SYCN: variants seen among roughly 807,000 people sequenced by gnomAD.
The protein encoded by SYCN is insulin synthesis associated 1.
A neutral mutation model predicts 12.6 loss-of-function variants in SYCN; 16 were observed. That is an observed-to-expected ratio of 1.27 (90% confidence interval 0.86 to 1.92). The LOEUF is 1.92. Among genes scored for constraint, SYCN ranks in the 30% most tolerant of loss-of-function variants. SYCN has a pLI of 0.00. For missense variants in SYCN, 226 were observed against 181.8 expected (o/e 1.24, Z -1.40); for synonymous variants, 97 against 88.4 (o/e 1.10, Z -0.55).
Position 39,204,194 on chromosome 19 carries a change from C to A in SYCN, c.61G>T (p.Gly21Cys), listed in dbSNP as rs1298481495. Residue 21 changes from glycine (G) to cysteine (C), a missense_variant, in exon 1 of 2, where the codon GGC (glycine) becomes TGC (cysteine). Physicochemically the swap from Gly to Cys is radical, Grantham distance 159. Transcript: ENST00000318438. ...LALASVPCAQ[G>C]ACPASADLKH... ...AGGTCGGCGGAGGCGGGGCAGGCGC[C>A]CTGGGCGCAAGGCACGGAGGCAAGG... The A allele has an allele frequency of 1.2e-6, 2 of 1,609,840 alleles. No individual in the cohort carries two copies. The highest frequency in any genetic ancestry group is 2.7e-5 in the African/African-American group (2 of 74,884).
At chr19:39,203,275 G>A (rs1370040869) in intron 1 of SYCN, among the ~76,000 whole-genome samples, 2 of 152,048 alleles carry the variant, frequency 1.3e-5, no homozygotes, top group Non-Finnish European at 2.9e-5. Context: ...TGGGTCTTGG[G>A]GGTGGGCTGT....
intron 1 of SYCN, among the ~76,000 whole-genome samples, 190 bp downstream of exon 1, chr19:39,203,670 G>A (rs1382583831): frequency 6.6e-6 from 1 of 151,894 alleles, no homozygotes; most frequent in Non-Finnish European, 1.5e-5. Context: ...GGAGAAGGAG[G>A]ACCTGGTTTG....
Position 39,203,877 on chromosome 19 carries a change from G to A in SYCN, c.378C>T (p.Ile126=). 7 of 1,600,784 alleles carry A rather than the reference G, an allele frequency of 4.4e-6. No homozygotes were observed. The highest frequency in any genetic ancestry group is 6.0e-6 in the Non-Finnish European group (7 of 1,171,612). ...CCGGGCACCTGCAGTAGAGCGCGGA[G>A]ATAGCGTTGGACCAGTCTCCTAAGA... ...RGILGDWSNA[I]SALYCRCS is the part of the protein sequence containing the mutation. The change falls in exon 1 of 2, where the codon ATC becomes ATT. Residue 126 remains isoleucine, a synonymous_variant. Transcript: ENST00000318438.
At chr19:39,203,794 G>A (rs1255634616) in intron 1 of SYCN, 66 bp downstream of exon 1, 4 of 1,504,254 alleles carry the variant, frequency 2.7e-6, no homozygotes, top group Admixed American at 2.2e-5. Context: ...GGTGGTGGGT[G>A]TGGGGGCTTA....
Position 39,202,869 on chromosome 19 carries a change from G to A in SYCN, c.*118C>T. On this transcript the variant is annotated 3_prime_UTR_variant, in exon 2 of 2. Transcript: ENST00000318438. ...AGGCTGTATTGCAGGGGAGGTGGGA[G>A]GGGGCAGGCAGAACGCTCCTCCTCC... is the stretch of plus-strand genomic sequence containing the variant. 1 of 1,058,912 alleles carries A rather than the reference G, an allele frequency of 9.4e-7. No individual in the cohort carries two copies. The highest frequency in any genetic ancestry group is 1.4e-6 in the Non-Finnish European group (1 of 718,412). 65.6% of individuals were successfully genotyped at this position (1,058,912 alleles called of 1,614,324 possible). A position where few individuals can be genotyped will look rare whatever the true frequency, so the allele number is the denominator to read the frequency against.
chr19:39,204,140 CG>C lies in SYCN; in HGVS notation c.114del (p.Cys38TrpfsTer82), dbSNP rs757630087. ...DLKHSDGTRTCAKLYDKSDPY... is the reference protein window; with the variant it reads ...DLKHSDGTRTXAKLYDKSDPY... ...GGGTCGCTCTTGTCATAGAGCTTGG[CG>C]CAAGTGCGCGTCCCGTCCGAGTGCT... On this transcript the variant is annotated frameshift_variant, in exon 1 of 2. Transcript: ENST00000318438. LOFTEE classifies it high-confidence loss of function. The C allele has an allele frequency of 9.9e-6, 16 of 1,612,686 alleles. No individual in the cohort carries two copies. The highest frequency in any genetic ancestry group is 8.5e-7 in the Non-Finnish European group (1 of 1,179,722).
At position 39,204,048 on chromosome 19, in the gene SYCN, CA is replaced by C. The variant is rs773623785; in HGVS notation, c.206del (p.Leu69ArgfsTer51). On this transcript the variant is annotated frameshift_variant, in exon 1 of 2. Transcript: ENST00000318438. LOFTEE classifies it high-confidence loss of function. ...SLESGADLPY[L>X]PSNWANTASS... is the part of the protein sequence containing the mutation. ...AGGCGGTGTTGGCCCAGTTGGAGGG[CA>C]GGTAGGGCAGGTCTGCGCCCGACTC... 2.4e-5 allele frequency: 38 copies of C among 1,612,580 alleles called. No individual in the cohort carries two copies. The highest frequency in any genetic ancestry group is 3.1e-5 in the Non-Finnish European group (36 of 1,179,370).
Position 39,204,114 on chromosome 19 carries a change from G to A in SYCN, c.141C>T (p.Pro47=), listed in dbSNP as rs746165928. 3.1e-6 allele frequency: 5 copies of A among 1,613,028 alleles called. No individual in the cohort carries two copies. In the Admixed American group the frequency reaches 5.0e-5, roughly 16 times the overall value. ...CGCCCCCGCAGCAGTTCTCATAGTA[G>A]GGGTCGCTCTTGTCATAGAGCTTGG... The part of the protein sequence containing the change: ...TCAKLYDKSD[P]YYENCCGGAE... Residue 47 remains proline, a synonymous_variant, in exon 1 of 2, where the codon CCC becomes CCT. Coordinates refer to ENST00000318438, the MANE Select transcript of SYCN (RefSeq NM_001080468.4).
At position 39,204,220 on chromosome 19, in the gene SYCN, G is replaced by T; in HGVS notation, c.35C>A (p.Ala12Asp). The change falls in exon 1 of 2, where the codon GCC becomes GAC. Residue 12 changes from alanine (A) to aspartate (D), a missense_variant. Coordinates refer to ENST00000318438, the MANE Select transcript of SYCN (RefSeq NM_001080468.4). ...CTGGGCGCAAGGCACGGAGGCAAGG[G>T]CCAGGGCCAGCAGCAGCGGGCGCAG... ...SPLRPLLLAL[A>D]LASVPCAQGA... 6.3e-7 allele frequency: 1 copy of T among 1,598,970 alleles called. No individual in the cohort carries two copies.
At chr19:39,203,022 C>T (rs1055646427) in intron 1 of SYCN, 26 bp from the exon 2 acceptor site, 2 of 1,561,678 alleles carry the variant, frequency 1.3e-6, no homozygotes, top group African/African-American at 2.7e-5. Flanking sequence ...GAATTCCTTC[C>T]AGGGGCTCTC....
At chr19:39,203,830 G>T in intron 1 of SYCN, 30 bp downstream of exon 1, 2 of 1,554,538 alleles carry the variant, frequency 1.3e-6, no homozygotes, top group Non-Finnish European at 1.7e-6. Context: ...TGGGCCTGGG[G>T]TGGGCTCGGA....
rs766910589 is a variant in SYCN at position 39,204,246 on chromosome 19, C to G, written c.9G>C (p.Pro3=). Residue 3 remains proline, a synonymous_variant, in exon 1 of 2, where the codon CCG becomes CCC. Coordinates refer to ENST00000318438, the MANE Select transcript of SYCN (RefSeq NM_001080468.4). MS[P]LRPLLLALAL... is the part of the protein sequence containing the mutation. Reference sequence around the variant, plus strand: ...CCAGGGCCAGCAGCAGCGGGCGCAGCGGGGACATGGTGGCAGTGCCCTGCC... The same window carrying G: ...CCAGGGCCAGCAGCAGCGGGCGCAGGGGGGACATGGTGGCAGTGCCCTGCC... 1 of 1,565,926 alleles carries G rather than the reference C, an allele frequency of 6.4e-7. No individual in the cohort carries two copies. The highest frequency in any genetic ancestry group is 8.6e-7 in the Non-Finnish European group (1 of 1,161,940).
Position 39,203,875 on chromosome 19 carries a change from G to T in SYCN, c.380C>A (p.Ser127Tyr). The change falls in exon 1 of 2, where the codon TCC becomes TAC. Residue 127 changes from serine (S) to tyrosine (Y), a missense_variant. Coordinates refer to ENST00000318438, the MANE Select transcript of SYCN (RefSeq NM_001080468.4). Reference protein sequence around the residue: ...GILGDWSNAISALYCRCS With the variant: ...GILGDWSNAIYALYCRCS Reference sequence around the variant, plus strand: ...GGCCGGGCACCTGCAGTAGAGCGCGGAGATAGCGTTGGACCAGTCTCCTAA... The same window carrying T: ...GGCCGGGCACCTGCAGTAGAGCGCGTAGATAGCGTTGGACCAGTCTCCTAA... 6.3e-7 allele frequency: 1 copy of T among 1,599,944 alleles called. No homozygotes were observed. Among genetic ancestry groups the T allele is most frequent in the South Asian group, 1.1e-5 (1 of 89,296 alleles).
In SYCN at chr19:39,204,174, G is replaced by C; in HGVS notation, c.81C>G (p.Ala27=). 2 of 1,611,816 alleles carry C rather than the reference G, an allele frequency of 1.2e-6. No homozygotes were observed. The highest frequency in any genetic ancestry group is 1.7e-6 in the Non-Finnish European group (2 of 1,179,548). ...GCGTCCCGTCCGAGTGCTTGAGGTC[G>C]GCGGAGGCGGGGCAGGCGCCCTGGG... ...PCAQGACPAS[A]DLKHSDGTRT... Residue 27 remains alanine, a synonymous_variant, in exon 1 of 2, where the codon GCC becomes GCG. Coordinates refer to ENST00000318438, the MANE Select transcript of SYCN (RefSeq NM_001080468.4).
chr19:39,204,070 G>C lies in SYCN; in HGVS notation c.185C>G (p.Ser62Trp), dbSNP rs760388184. 6.2e-7 allele frequency: 1 copy of C among 1,612,922 alleles called. No individual in the cohort carries two copies. Among genetic ancestry groups the C allele is most frequent in the Non-Finnish European group, 8.5e-7 (1 of 1,179,530 alleles). The change falls in exon 1 of 2, where the codon TCG becomes TGG. Residue 62 changes from serine (S) to tryptophan (W), a missense_variant. Physicochemically the swap from Ser to Trp is radical, Grantham distance 177. Transcript: ENST00000318438. ...GGGCAGGTAGGGCAGGTCTGCGCCC[G>C]ACTCCAGCGACAGCTCGGCGCCCCC... ...CCGGAELSLESGADLPYLPSN... is the reference protein window; with the variant it reads ...CCGGAELSLEWGADLPYLPSN...
Position 39,202,845 on chromosome 19 carries a change from G to A in SYCN, c.*142C>T, listed in dbSNP as rs1240103941. The A allele has an allele frequency of 9.9e-6, 8 of 810,136 alleles. No individual in the cohort carries two copies. The East Asian group carries it at 1.6e-4, about 16-fold the overall frequency. The allele number at this position is 810,136 out of a possible 1,614,324, so 50.2% of individuals were successfully genotyped here. On this transcript the variant is annotated 3_prime_UTR_variant, in exon 2 of 2. Coordinates refer to ENST00000318438, the MANE Select transcript of SYCN (RefSeq NM_001080468.4). Reference sequence around the variant, plus strand: ...TGACAGACGGGGACAACTGCACAAAGGCTGTATTGCAGGGGAGGTGGGAGG... The same window carrying A: ...TGACAGACGGGGACAACTGCACAAAAGCTGTATTGCAGGGGAGGTGGGAGG...
chr19:39,204,126 G>A lies in SYCN; in HGVS notation c.129C>T (p.Asp43=). The part of the protein sequence containing the change: ...DGTRTCAKLY[D]KSDPYYENCC... ...AGTTCTCATAGTAGGGGTCGCTCTT[G>A]TCATAGAGCTTGGCGCAAGTGCGCG... The change falls in exon 1 of 2, where the codon GAC becomes GAT. Residue 43 remains aspartate, a synonymous_variant. Transcript: ENST00000318438. 6.2e-7 allele frequency: 1 copy of A among 1,613,004 alleles called. No individual in the cohort carries two copies. Among genetic ancestry groups the A allele is most frequent in the Non-Finnish European group, 8.5e-7 (1 of 1,179,724 alleles).
At chr19:39,203,249 C>T (rs886665709) in intron 1 of SYCN, among the ~76,000 whole-genome samples, 1 of 150,972 alleles carries the variant, frequency 6.6e-6, no homozygotes, top group African/African-American at 2.4e-5. Flanking sequence ...AAGGTGGCCT[C>T]AGGGACCTCC....
chr19:39,202,898 G>C lies in SYCN; in HGVS notation c.*89C>G. On this transcript the variant is annotated 3_prime_UTR_variant, in exon 2 of 2. Transcript: ENST00000318438. ...GCAGGCAGAACGCTCCTCCTCCTGG[G>C]TCTTGGGGCCCCGGAGCAGAGCCCA... 6.6e-7 allele frequency: 1 copy of C among 1,504,242 alleles called. No individual in the cohort carries two copies. The highest frequency in any genetic ancestry group is 1.4e-5 in the African/African-American group (1 of 72,330). 93.2% of individuals were successfully genotyped at this position (1,504,242 alleles called of 1,614,324 possible).
Sources: allele counts gnomAD v4.1 joint callset (sites outside exome capture counted in the v4.1 genomes callset), GRCh38; gene constraint gnomAD v4.1.1; transcripts MANE v1.5; gene names NCBI Gene and HGNC (gene_info 2026-07-23, HGNC 2026-07-21).